Variants in SMARCA5 observed in about 807,000 individuals in gnomAD.
SMARCA5 encodes the protein SWI/SNF-related matrix-associated actin-dependent regulator of chromatin subfamily A member 5.
In SMARCA5, 18 loss-of-function variants were observed where a neutral mutation model predicts 140.4. That is an observed-to-expected ratio of 0.13 (90% CI 0.09 to 0.19). SMARCA5 has a LOEUF of 0.19. Among genes scored for constraint, SMARCA5 ranks in the 10% least tolerant of loss-of-function variants. The pLI is 1.00. For synonymous variants in SMARCA5, 449 were observed against 419.6 expected, an observed-to-expected ratio of 1.07 and a Z score of -0.86; for missense variants, 606 against 1,276.8, an observed-to-expected ratio of 0.47 and a Z score of 8.01.
rs774551132 is a variant in SMARCA5, at chr4:143,544,793, C to A, written c.2229C>A (p.Ala743=). The A allele has an allele frequency of 3.7e-6, 6 of 1,613,108 alleles. No individual in the cohort carries two copies. Among genetic ancestry groups the A allele is most frequent in the Non-Finnish European group, 5.1e-6 (6 of 1,179,406 alleles). ...PPKRERKANY[A]VDAYFREALR... ...AACGAGAAAGAAAAGCCAACTATGC[C>A]GTTGATGCATATTTCAGGGAAGCTC... is the stretch of plus-strand genomic sequence containing the variant. Residue 743 remains alanine (A), a synonymous_variant, in exon 17 of 24, where the codon GCC becomes GCA. Coordinates refer to ENST00000283131, the MANE Select transcript of SMARCA5 (RefSeq NM_003601.4).
chr4:143,518,034 G>A (rs918697769), intron 2 of SMARCA5, among the ~76,000 whole-genome samples: 1 of 152,064 alleles, frequency 6.6e-6, no homozygotes, highest in Non-Finnish European at 1.5e-5. Flanking sequence ...TGGAAGCGAG[G>A]TGAAGACCAG....
At chr4:143,519,491 G>T (rs1461904322) in intron 2 of SMARCA5, among the ~76,000 whole-genome samples, 1 of 152,088 alleles carries the variant, frequency 6.6e-6, no homozygotes, top group Non-Finnish European at 1.5e-5. Flanking sequence ...ACTGTGAAAT[G>T]GAGGTTTTTC....
chr4:143,517,583 A>G (rs1393939769), intron 2 of SMARCA5, among the ~76,000 whole-genome samples, 154 bp downstream of exon 2: 1 of 152,200 alleles, frequency 6.6e-6, no homozygotes, highest in East Asian at 1.9e-4. Context: ...AGAGTTCTGG[A>G]GGCTGGCAAG....
chr4:143,528,758 T>C (rs1560815213), intron 8 of SMARCA5, 44 bp downstream of exon 8: 1 of 1,573,766 alleles, frequency 6.4e-7, no homozygotes, highest in Non-Finnish European at 8.6e-7. Flanking sequence ...AATATTTTGC[T>C]TAATGCTATA....
Position 143,531,869 on chromosome 4 carries a change from C to T in SMARCA5, c.1158+1343C>T, listed in dbSNP as rs537241204. On this transcript the variant is annotated intron_variant, in intron 9 of 23. Coordinates refer to ENST00000283131, the MANE Select transcript of SMARCA5 (RefSeq NM_003601.4). ...TACTAATACCTAGTCCAAGACTCAG[C>T]GACATCACCTCCACTGAACCAGCCA... is the stretch of plus-strand genomic sequence containing the variant. Among the ~76,000 whole-genome samples, 61 of 152,316 alleles carry T rather than the reference C, an allele frequency of 4.0e-4. 1 individual carries two copies. The highest frequency in any genetic ancestry group is 2.9e-3 in the South Asian group (14 of 4,822).
At position 143,521,514 on chromosome 4, in the gene SMARCA5, C is replaced by G. The variant is rs769692137; in HGVS notation, c.338C>G (p.Thr113Ser). ...AHFIQPAAQK[T>S]PTSPLKMKPG... ...TTCATTCAACCTGCTGCTCAGAAGA[C>G]TCCAACTTCACCTTTGAAGATGAAA... is the stretch of plus-strand genomic sequence containing the variant. The change falls in exon 3 of 24, where the codon ACT (threonine) becomes AGT (serine). Residue 113 changes from threonine (T) to serine (S), a missense_variant. By Grantham distance (58) the Thr-to-Ser change is moderately conservative. Coordinates refer to ENST00000283131, the MANE Select transcript of SMARCA5 (RefSeq NM_003601.4). The G allele has an allele frequency of 6.2e-7, 1 of 1,613,502 alleles. No individual in the cohort carries two copies. The highest frequency in any genetic ancestry group is 8.5e-7 in the Non-Finnish European group (1 of 1,179,704).
In SMARCA5 at chr4:143,521,322, T is replaced by A. The variant is rs1289970999; in HGVS notation, c.253-107T>A. On this transcript the variant is annotated intron_variant, in intron 2 of 23. Transcript: ENST00000283131. ...TCCATGTTGCATTTATCTGTAGTTC[T>A]CTTTTTTTTTTTGCTGAGTTCATTG... The A allele has an allele frequency of 9.8e-6, 7 of 711,182 alleles. No individual in the cohort carries two copies. The East Asian group carries it at 1.3e-4, about 13-fold the overall frequency. The allele number at this position is 711,182 out of a possible 1,614,324, so 44.1% of individuals were successfully genotyped here. A position where few individuals can be genotyped will look rare whatever the true frequency, so the allele number is the denominator to read the frequency against.
Position 143,521,429 on chromosome 4 carries a change from C to T in SMARCA5, c.253C>T (p.Gln85Ter). The change falls in exon 3 of 24, where the codon CAA (glutamine) becomes TAA (stop). Residue 85 changes from glutamine to a stop codon, truncating the protein, a stop_gained and splice_region_variant. Coordinates refer to ENST00000283131, the MANE Select transcript of SMARCA5 (RefSeq NM_003601.4). LOFTEE classifies it high-confidence loss of function. ...EPDPTYEEKM[Q>*]TDRANRFEYL... ...TGTATCTTAAATTTTTTTTTTTCAG[C>T]AAACTGACCGGGCAAATAGATTCGA... is the stretch of plus-strand genomic sequence containing the variant. 6.4e-7 allele frequency: 1 copy of T among 1,569,832 alleles called. No homozygotes were observed. Among genetic ancestry groups the T allele is most frequent in the Admixed American group, 2.0e-5 (1 of 50,382 alleles).
At chr4:143,535,006 C>T (rs753438284) in intron 10 of SMARCA5, 42 bp downstream of exon 10, 27 of 1,301,298 alleles carry the variant, frequency 2.1e-5, no homozygotes, top group Middle Eastern at 3.8e-4. Context: ...ATTGATTCTT[C>T]CCTAAATTTC....
intron 1 of SMARCA5, 82 bp from the exon 2 acceptor site, chr4:143,517,273 G>A: frequency 1.1e-6 from 1 of 888,700 alleles, no homozygotes; most frequent in Non-Finnish European, 1.7e-6. Context: ...TATTTAAGAT[G>A]TGTTTTGGTC....
At chr4:143,533,927 A>G (rs890958608) in intron 9 of SMARCA5, among the ~76,000 whole-genome samples, 1 of 152,192 alleles carries the variant, frequency 6.6e-6, no homozygotes, top group African/African-American at 2.4e-5. Flanking sequence ...ATACAGGCAC[A>G]TCTCATTACC....
At chr4:143,531,749 A>C (rs979546318) in intron 9 of SMARCA5, among the ~76,000 whole-genome samples, 4 of 152,132 alleles carry the variant, frequency 2.6e-5, no homozygotes, top group African/African-American at 9.7e-5. Flanking sequence ...TAGATTGCTG[A>C]CCCCACTGTC....
At chr4:143,551,778 G>C (rs1451404128) in intron 23 of SMARCA5, among the ~76,000 whole-genome samples, 1 of 152,006 alleles carries the variant, frequency 6.6e-6, no homozygotes, top group Non-Finnish European at 1.5e-5. Context: ...CTATGTATCT[G>C]TTTCTATACC....
chr4:143,538,748 A>C, intron 12 of SMARCA5, 37 bp downstream of exon 12: 1 of 1,613,462 alleles, frequency 6.2e-7, no homozygotes, highest in Non-Finnish European at 8.5e-7. Context: ...AAAAAGAATC[A>C]GATAAATTTT....
chr4:143,555,523 G>C lies in SMARCA5; in HGVS notation c.*2339G>C. On this transcript the variant is annotated 3_prime_UTR_variant, in exon 24 of 24. Coordinates refer to ENST00000283131, the MANE Select transcript of SMARCA5 (RefSeq NM_003601.4). ...TGTTTTGTTTTGTACCCATGCTGTT[G>C]ATTGCTAAATGTTTTAATAATCTGA... The C allele has an allele frequency of 2.5e-6, 1 of 404,114 alleles. No homozygotes were observed. The highest frequency in any genetic ancestry group is 5.1e-5 in the East Asian group (1 of 19,666). 25.0% of individuals were successfully genotyped at this position (404,114 alleles called of 1,614,324 possible). A position where few individuals can be genotyped will look rare whatever the true frequency, so the allele number is the denominator to read the frequency against.
intron 3 of SMARCA5, 129 bp from the exon 4 acceptor site, chr4:143,524,238 C>A: frequency 1.9e-6 from 1 of 536,926 alleles, no homozygotes; most frequent in Non-Finnish European, 3.4e-6. Context: ...TTCTACTGTC[C>A]ACTGGTTGAT....
chr4:143,556,051 C>A lies in SMARCA5; in HGVS notation c.*2867C>A, dbSNP rs10007913. On this transcript the variant is annotated 3_prime_UTR_variant, in exon 24 of 24. Transcript: ENST00000283131. The stretch of plus-strand genomic sequence containing the variant: ...AGAGTACAAGTTGAGCATCCCTAAT[C>A]AAAAAATCTAAAATCAGAAATGCTC... 0.23 allele frequency: 34,210 copies of A among 152,030 alleles called. 4,246 individuals carry two copies. The highest frequency in any genetic ancestry group is 0.6 in the East Asian group (3,073 of 5,162). The allele number at this position is 152,030 out of a possible 1,614,324, so 9.4% of individuals were successfully genotyped here.
chr4:143,521,506 T>C lies in SMARCA5; in HGVS notation c.330T>C (p.Ala110=). The C allele has an allele frequency of 6.2e-7, 1 of 1,613,690 alleles. No individual in the cohort carries two copies. The highest frequency in any genetic ancestry group is 8.5e-7 in the Non-Finnish European group (1 of 1,179,720). Residue 110 remains alanine (A), a synonymous_variant, in exon 3 of 24, where the codon GCT becomes GCC. Transcript: ENST00000283131. The part of the protein sequence containing the change: ...ELFAHFIQPA[A]QKTPTSPLKM... The stretch of plus-strand genomic sequence containing the variant: ...TTGCACATTTCATTCAACCTGCTGC[T>C]CAGAAGACTCCAACTTCACCTTTGA...
At position 143,515,362 on chromosome 4, in the gene SMARCA5, C is replaced by T. The variant is rs114922680; in HGVS notation, c.177+1261C>T. ...TGAGTGATTAAGATAAGATTACTTC[C>T]AAATTAAAATATATTCAGTGTTGCT... On this transcript the variant is annotated intron_variant, in intron 1 of 23. Transcript: ENST00000283131. Among the ~76,000 whole-genome samples the T allele has an allele frequency of 4.1e-3, 621 of 152,118 alleles. 6 individuals are homozygous for T. The highest frequency in any genetic ancestry group is 0.031 in the Middle Eastern group (9 of 294).
Sources: gnomAD v4.1 joint callset for allele counts (sites outside exome capture counted in the v4.1 genomes callset) on GRCh38, gnomAD v4.1.1 for gene constraint, MANE v1.5 for transcripts, NCBI Gene and HGNC (gene_info 2026-07-23, HGNC 2026-07-21) for gene names.